Variants in ZNF157 observed in about 807,000 individuals in gnomAD.
ZNF157 encodes zinc finger protein 157.
A neutral mutation model predicts 9.4 loss-of-function variants in ZNF157; 8 were observed. The observed-to-expected ratio is 0.85, with a 90% CI of 0.50 to 1.53. ZNF157 has a LOEUF of 1.53. Among genes scored for constraint, ZNF157 ranks in the 40% most tolerant of loss-of-function variants. The pLI is 0.00. For missense variants in ZNF157, 316 were observed against 385.2 expected, an observed-to-expected ratio of 0.82 and a Z score of 1.50; for synonymous variants, 120 against 130.8, an observed-to-expected ratio of 0.92 and a Z score of 0.56.
Position 47,409,958 on chromosome X carries a change from A to G in ZNF157, c.73-318A>G, listed in dbSNP as rs141439156. ...GCCACCGCGCCCAGCCTCCTTCTTC[A>G]TTTTTTAACCCAGCAACTTGCACAC... is the stretch of plus-strand genomic sequence containing the variant. On this transcript the variant is annotated intron_variant, in intron 1 of 3. Coordinates refer to ENST00000377073, the MANE Select transcript of ZNF157 (RefSeq NM_003446.4). 6.1e-3 allele frequency among the ~76,000 whole-genome samples: 681 copies of G among 111,502 alleles called. 1 individual carries two copies. Among genetic ancestry groups the G allele is most frequent in the Non-Finnish European group, 9.4e-3 (499 of 53,013 alleles).
chrX:47,372,729 G>C (rs1602756573), intron 1 of ZNF157, among the ~76,000 whole-genome samples: 2 of 109,202 alleles, frequency 1.8e-5, no homozygotes, highest in Admixed American at 9.9e-5. Context: ...CCCGACCTCA[G>C]GTGATCCACC....
intron 1 of ZNF157, among the ~76,000 whole-genome samples, chrX:47,394,713 A>G (rs2055908119): frequency 9.0e-6 from 1 of 111,614 alleles, no homozygotes; most frequent in African/African-American, 3.3e-5. Flanking sequence ...CATATTTCCA[A>G]CATTTTGTGC....
intron 1 of ZNF157, among the ~76,000 whole-genome samples, chrX:47,375,453 C>T (rs1444566115): frequency 9.0e-6 from 1 of 110,647 alleles, no homozygotes; most frequent in African/African-American, 3.3e-5. Flanking sequence ...TAGTGTGGTA[C>T]ATTTGTAAAA....
rs370160952 is a variant in ZNF157, at chrX:47,404,268, C to T, written c.73-6008C>T. On this transcript the variant is annotated intron_variant, in intron 1 of 3. Transcript: ENST00000377073. ...GCAACCTCCATCTCTCAGGTTCAAT[C>T]GATTCTGCCCCCTCGGCCTCCCTGT... is the stretch of plus-strand genomic sequence containing the variant. Among the ~76,000 whole-genome samples the T allele has an allele frequency of 1.1e-4, 12 of 109,636 alleles. No individual in the cohort carries two copies. In the East Asian group the frequency reaches 1.2e-3, roughly 11 times the overall value.
chrX:47,378,699 G>A (rs1185954693), intron 1 of ZNF157, among the ~76,000 whole-genome samples: 1 of 111,407 alleles, frequency 9.0e-6, no homozygotes, highest in Non-Finnish European at 1.9e-5. Context: ...TTAGCTGGGC[G>A]TGGTGGCCTG....
chrX:47,370,934 A>G (rs1051096293), intron 1 of ZNF157, among the ~76,000 whole-genome samples, 194 bp downstream of exon 1: 5 of 110,888 alleles, frequency 4.5e-5, no homozygotes, highest in Non-Finnish European at 7.6e-5. Flanking sequence ...AGGATCCCCC[A>G]TGTTGTCATT....
At chrX:47,393,169 C>G (rs55879603) in intron 1 of ZNF157, among the ~76,000 whole-genome samples, 1 of 98,341 alleles carries the variant, frequency 1.0e-5, no homozygotes, top group Non-Finnish European at 2.1e-5. Context: ...AAAAAAAAAT[C>G]TCCTGTTGCT....
In ZNF157 at chrX:47,413,103, A is replaced by T. The variant is rs1569261611; in HGVS notation, c.1030A>T (p.Thr344Ser). The T allele has an allele frequency of 2.5e-6, 3 of 1,210,054 alleles. No individual in the cohort carries two copies. Among genetic ancestry groups the T allele is most frequent in the Non-Finnish European group, 3.4e-6 (3 of 894,764 alleles). ...ECGKFFRMKM[T>S]LNNHQRTHTG... is the part of the protein sequence containing the mutation. ...TGGGAAATTCTTCCGAATGAAGATG[A>T]CTCTCAATAATCATCAAAGAACTCA... Residue 344 changes from threonine (T) to serine (S), a missense_variant, in exon 4 of 4, where the codon ACT becomes TCT. Coordinates refer to ENST00000377073, the MANE Select transcript of ZNF157 (RefSeq NM_003446.4).
chrX:47,383,092 C>T (rs1056155723), intron 1 of ZNF157, among the ~76,000 whole-genome samples: 2 of 109,247 alleles, frequency 1.8e-5, no homozygotes, highest in African/African-American at 3.3e-5. Flanking sequence ...ATGGGATGGC[C>T]GGGCGCAGTG....
intron 1 of ZNF157, among the ~76,000 whole-genome samples, chrX:47,401,670 G>T (rs1298029093): frequency 1.8e-5 from 2 of 111,733 alleles, no homozygotes; most frequent in African/African-American, 6.5e-5. Context: ...TTGGATTTTT[G>T]TCGCATTTAT....
At chrX:47,387,146 G>C (rs1449281045) in intron 1 of ZNF157, among the ~76,000 whole-genome samples, 1 of 105,434 alleles carries the variant, frequency 9.5e-6, no homozygotes, top group Non-Finnish European at 2.0e-5. Flanking sequence ...TTTTGAGTCA[G>C]AGTTTCGCTC....
At chrX:47,411,208 C>T (rs1400850304) in intron 3 of ZNF157, among the ~76,000 whole-genome samples, 6 of 110,719 alleles carry the variant, frequency 5.4e-5, no homozygotes, top group African/African-American at 1.3e-4. Flanking sequence ...AGGTTGGTCA[C>T]GAACTCCTGA....
At chrX:47,371,419 A>G (rs1464160053) in intron 1 of ZNF157, among the ~76,000 whole-genome samples, 2 of 110,122 alleles carry the variant, frequency 1.8e-5, no homozygotes, top group Non-Finnish European at 3.8e-5. Flanking sequence ...GCAGGAGGAT[A>G]GTTTGAGCCT....
intron 1 of ZNF157, among the ~76,000 whole-genome samples, chrX:47,373,387 A>G (rs1235474700): frequency 9.0e-6 from 1 of 111,268 alleles, no homozygotes; most frequent in African/African-American, 3.3e-5. Context: ...AGGTAGAATC[A>G]GCAAAAGAGG....
intron 1 of ZNF157, among the ~76,000 whole-genome samples, chrX:47,387,717 T>A (rs1232117538): frequency 5.6e-5 from 6 of 107,300 alleles, no homozygotes; most frequent in Non-Finnish European, 1.2e-4. Flanking sequence ...GCCTGGCCAA[T>A]GTAGTGAAAC....
chrX:47,395,277 T>C (rs976882235), intron 1 of ZNF157, among the ~76,000 whole-genome samples: 9 of 112,283 alleles, frequency 8.0e-5, no homozygotes, highest in Middle Eastern at 4.6e-3. Context: ...TTTGAACTCC[T>C]GAGCTCAAGC....
In ZNF157 at chrX:47,370,631, T is replaced by C; in HGVS notation, c.-38T>C. 8.5e-7 allele frequency: 1 copy of C among 1,178,419 alleles called. No homozygotes were observed. Among genetic ancestry groups the C allele is most frequent in the East Asian group, 3.0e-5 (1 of 33,216 alleles). On this transcript the variant is annotated 5_prime_UTR_variant, in exon 1 of 4. Coordinates refer to ENST00000377073, the MANE Select transcript of ZNF157 (RefSeq NM_003446.4). ...GCAGGACCCTCTACACACAGACAGC[T>C]GTCCAGCACGGAAGGTGGGCTGAGG... is the stretch of plus-strand genomic sequence containing the variant.
chrX:47,371,243 C>A (rs1365320229), intron 1 of ZNF157, among the ~76,000 whole-genome samples: 1 of 109,836 alleles, frequency 9.1e-6, no homozygotes, highest in Non-Finnish European at 1.9e-5. Flanking sequence ...GAGGTTGAGA[C>A]CGGAAAATCG....
At chrX:47,379,724 C>CT (rs200985634) in intron 1 of ZNF157, among the ~76,000 whole-genome samples, 19,133 of 62,670 alleles carry the variant, frequency 0.31, 3,151 homozygotes, top group South Asian at 0.37. Context: ...TGTCTAGATG[C>CT]TTTTTTTTTT....
Sources: gnomAD v4.1 joint callset for allele counts (sites outside exome capture counted in the v4.1 genomes callset) on GRCh38, gnomAD v4.1.1 for gene constraint, MANE v1.5 for transcripts, NCBI Gene and HGNC (gene_info 2026-07-23, HGNC 2026-07-21) for gene names.